Variants in OR2L13 observed in about 807,000 individuals in gnomAD.
The protein encoded by OR2L13 is olfactory receptor 2L13.
OR2L13 carries 14 observed loss-of-function variants against 15.3 expected under a neutral mutation model. That is an observed-to-expected ratio of 0.91 (90% CI 0.60 to 1.43). The LOEUF (loss-of-function observed/expected upper bound fraction) is 1.43. Among genes scored for constraint, OR2L13 ranks in the 40% most tolerant of loss-of-function variants. The pLI is 0.00. For missense variants in OR2L13, 367 were observed against 387.9 expected (o/e 0.95, Z 0.45); for synonymous variants, 152 against 142.9 (o/e 1.06, Z -0.45).
chr1:247,984,090 G>A, the OR2L13 span, among the ~76,000 whole-genome samples: 1 of 152,128 alleles, frequency 6.6e-6, no homozygotes, highest in African/African-American at 2.4e-5. Flanking sequence ...TTGCTTCAAG[G>A]TTCCGTCTCT....
the OR2L13 span, among the ~76,000 whole-genome samples, chr1:248,028,377 C>G: frequency 7.2e-5 from 11 of 152,100 alleles, no homozygotes; most frequent in Non-Finnish European, 1.3e-4. Flanking sequence ...CAGGCCTGTG[C>G]CAACATCCCT....
the OR2L13 span, among the ~76,000 whole-genome samples, chr1:248,089,302 C>A: frequency 6.6e-6 from 1 of 152,138 alleles, no homozygotes; most frequent in African/African-American, 2.4e-5. Flanking sequence ...ACCCTCTGGG[C>A]AAGGAAATGT....
chr1:247,939,906 G>A, the OR2L13 span, among the ~76,000 whole-genome samples: 3,322 of 152,114 alleles, frequency 0.022, 51 homozygotes, highest in Middle Eastern at 0.082. Flanking sequence ...CACTAAAATT[G>A]TAAGAATATA....
At chr1:247,940,128 A>G in the OR2L13 span, among the ~76,000 whole-genome samples, 1 of 152,166 alleles carries the variant, frequency 6.6e-6, no homozygotes, top group Non-Finnish European at 1.5e-5. Flanking sequence ...ACATGCACAT[A>G]CACATATATA....
chr1:247,948,908 T>C, the OR2L13 span: 5 of 1,613,538 alleles, frequency 3.1e-6, no homozygotes, highest in Admixed American at 1.7e-5. Flanking sequence ...TGGGGCTGTT[T>C]CCACCATCAA....
chr1:247,951,917 C>G, the OR2L13 span, among the ~76,000 whole-genome samples: 1 of 152,108 alleles, frequency 6.6e-6, no homozygotes, highest in Admixed American at 6.6e-5. Flanking sequence ...CCAGGCATAC[C>G]CCAGACACTG....
At chr1:248,100,809 A>T (rs1664844076) in exon 3 of OR2L13, 1 of 167,302 alleles carries the variant, frequency 6.0e-6, no homozygotes, top group Admixed American at 6.5e-5. Flanking sequence ...CAATAGTTTC[A>T]GAAGTTATAT....
chr1:247,952,758 G>A, the OR2L13 span, among the ~76,000 whole-genome samples: 1 of 152,158 alleles, frequency 6.6e-6, no homozygotes, highest in Non-Finnish European at 1.5e-5. Context: ...TTAAGCAGTG[G>A]TGTCTGGTTC....
chr1:248,010,968 C>G, the OR2L13 span, among the ~76,000 whole-genome samples: 1 of 151,732 alleles, frequency 6.6e-6, no homozygotes, highest in Admixed American at 6.6e-5. Flanking sequence ...GTTAATATTG[C>G]TATGTGTGAA....
At chr1:248,074,791 A>G in the OR2L13 span, among the ~76,000 whole-genome samples, 3,851 of 152,268 alleles carry the variant, frequency 0.025, 120 homozygotes, top group Admixed American at 0.089. Context: ...TATACCATTT[A>G]ACAAAACTGC....
chr1:248,047,227 C>T, the OR2L13 span, among the ~76,000 whole-genome samples: 3 of 152,100 alleles, frequency 2.0e-5, no homozygotes, highest in African/African-American at 7.2e-5. Context: ...TTCCTCATTC[C>T]TACTTGGCTG....
chr1:248,072,353 A>C, the OR2L13 span, among the ~76,000 whole-genome samples: 1 of 152,242 alleles, frequency 6.6e-6, no homozygotes, highest in Non-Finnish European at 1.5e-5. Context: ...TCTTTGACAA[A>C]CCTGAGAAAA....
chr1:247,982,200 A>C, the OR2L13 span, among the ~76,000 whole-genome samples: 2 of 152,212 alleles, frequency 1.3e-5, no homozygotes, highest in Non-Finnish European at 2.9e-5. Context: ...AACTGAGGAC[A>C]GTGTAGGTTT....
the OR2L13 span, among the ~76,000 whole-genome samples, chr1:247,949,952 A>G: frequency 6.6e-6 from 1 of 152,184 alleles, no homozygotes; most frequent in African/African-American, 2.4e-5. Context: ...TTACAAATAT[A>G]TATATAATTC....
chr1:248,020,409 A>C, the OR2L13 span, among the ~76,000 whole-genome samples: 3 of 152,218 alleles, frequency 2.0e-5, no homozygotes, highest in African/African-American at 7.2e-5. Flanking sequence ...TACATAAATC[A>C]GCAGTTCTAT....
the OR2L13 span, among the ~76,000 whole-genome samples, chr1:247,977,378 T>A: frequency 6.6e-6 from 1 of 152,202 alleles, no homozygotes; most frequent in Non-Finnish European, 1.5e-5. Context: ...CTTGATTCAT[T>A]AATGAAACAT....
the OR2L13 span, among the ~76,000 whole-genome samples, chr1:247,981,344 A>T: frequency 6.6e-6 from 1 of 152,196 alleles, no homozygotes; most frequent in Non-Finnish European, 1.5e-5. Context: ...AGAATGGTTA[A>T]AATTACCATC....
the OR2L13 span, among the ~76,000 whole-genome samples, chr1:248,075,350 T>C: frequency 6.6e-6 from 1 of 152,238 alleles, no homozygotes; most frequent in South Asian, 2.1e-4. Context: ...TGATTTATAA[T>C]CCTTTGGGTA....
the OR2L13 span, chr1:248,004,196 C>A: frequency 1.2e-5 from 9 of 746,128 alleles, no homozygotes; most frequent in Non-Finnish European, 1.8e-5. Context: ...AAAAAAATCA[C>A]TGATTTCTGG....
Sources: allele counts gnomAD v4.1 joint callset (sites outside exome capture counted in the v4.1 genomes callset), GRCh38; gene constraint gnomAD v4.1.1; transcripts MANE v1.5; gene names NCBI Gene and HGNC (gene_info 2026-07-23, HGNC 2026-07-21).